The following ZNG1E variants were observed in gnomAD, a reference collection of about 807,000 sequenced individuals.
ZNG1E encodes zinc-regulated GTPase metalloprotein activator 1E.
chr9:65,726,235 G>A, the ZNG1E span, among the ~76,000 whole-genome samples: 5 of 52,186 alleles, frequency 9.6e-5, 1 homozygote, highest in Non-Finnish European at 1.7e-4. Flanking sequence ...CCCGTAGGAC[G>A]AAAGAATCTG....
the ZNG1E span, among the ~76,000 whole-genome samples, chr9:65,664,966 C>T: frequency 3.5e-4 from 53 of 152,330 alleles, no homozygotes; most frequent in Non-Finnish European, 1.3e-4. Context: ...GGGTACCTGG[C>T]AGAAGAAATT....
the ZNG1E span, among the ~76,000 whole-genome samples, chr9:65,666,778 C>T: frequency 2.0e-5 from 3 of 151,182 alleles, no homozygotes; most frequent in South Asian, 6.3e-4. Context: ...GATGTAAAAG[C>T]ATATAGATTA....
chr9:65,658,164 A>G, the ZNG1E span, among the ~76,000 whole-genome samples: 7 of 149,502 alleles, frequency 4.7e-5, no homozygotes, highest in East Asian at 1.2e-3. Context: ...CAATAAAAGT[A>G]AAAAGTAAAA....
At chr9:65,715,286 C>T in the ZNG1E span, among the ~76,000 whole-genome samples, 6 of 149,830 alleles carry the variant, frequency 4.0e-5, no homozygotes, top group East Asian at 2.0e-4. Context: ...CACTGACCTG[C>T]GCCCACTGTC....
the ZNG1E span, among the ~76,000 whole-genome samples, chr9:65,717,586 G>C: frequency 6.7e-6 from 1 of 149,620 alleles, no homozygotes; most frequent in Admixed American, 6.6e-5. Context: ...TTTTTAATTT[G>C]ATGCTGTGGG....
At chr9:65,709,437 G>A in the ZNG1E span, among the ~76,000 whole-genome samples, 1 of 139,344 alleles carries the variant, frequency 7.2e-6, no homozygotes, top group Non-Finnish European at 1.5e-5. Context: ...GTGCCATGCT[G>A]GTGGGCTGCA....
chr9:65,687,217 C>T, the ZNG1E span, among the ~76,000 whole-genome samples: 11 of 138,070 alleles, frequency 8.0e-5, no homozygotes, highest in East Asian at 6.2e-4. Context: ...GGCCTAGTTT[C>T]GTGTTGATCA....
At chr9:65,733,124 T>G in the ZNG1E span, 1 of 1,611,922 alleles carries the variant, frequency 6.2e-7, no homozygotes, top group Non-Finnish European at 8.5e-7. Flanking sequence ...TCCTCATTGG[T>G]AAGTCTCAAA....
the ZNG1E span, among the ~76,000 whole-genome samples, chr9:65,684,398 G>A: frequency 1.6e-4 from 24 of 151,802 alleles, no homozygotes; most frequent in Non-Finnish European, 2.7e-4. Context: ...CTAGCCAGGC[G>A]TTGTGGCGCA....
the ZNG1E span, among the ~76,000 whole-genome samples, chr9:65,655,921 A>G: frequency 2.0e-5 from 3 of 148,892 alleles, no homozygotes; most frequent in Non-Finnish European, 4.5e-5. Flanking sequence ...AACTATATGC[A>G]AAGACTAAAG....
At chr9:65,670,959 GTTGGCTGAAGTTCAGCTGCTGTGA>G in the ZNG1E span, among the ~76,000 whole-genome samples, 10 of 146,716 alleles carry the variant, frequency 6.8e-5, 1 homozygote, top group Non-Finnish European at 1.5e-4. Flanking sequence ...CCTGCCTGTG[GTTGGCTGAAGTTCAGCTGCTGTGA>G]TTGGCTGAGA....
At chr9:65,666,792 A>T in the ZNG1E span, among the ~76,000 whole-genome samples, 1 of 151,666 alleles carries the variant, frequency 6.6e-6, no homozygotes, top group Non-Finnish European at 1.5e-5. Flanking sequence ...TAGATTAATA[A>T]TATTCTGCTT....
chr9:65,671,512 G>T, the ZNG1E span, among the ~76,000 whole-genome samples: 2 of 152,106 alleles, frequency 1.3e-5, no homozygotes, highest in Admixed American at 6.6e-5. Flanking sequence ...TATAGATGGG[G>T]TTTTGCCACG....
the ZNG1E span, among the ~76,000 whole-genome samples, chr9:65,730,236 CTAT>C: frequency 6.3e-5 from 9 of 142,928 alleles, no homozygotes; most frequent in South Asian, 2.0e-3. Flanking sequence ...AGATTGGAGA[CTAT>C]TATTCTAAGT....
the ZNG1E span, among the ~76,000 whole-genome samples, chr9:65,726,489 A>T: frequency 3.8e-5 from 1 of 26,576 alleles, no homozygotes; most frequent in African/African-American, 1.2e-4. Context: ...TAAGGATATT[A>T]AAAAAAAAAA....
chr9:65,678,565 A>G, the ZNG1E span, among the ~76,000 whole-genome samples: 4 of 147,776 alleles, frequency 2.7e-5, no homozygotes, highest in Non-Finnish European at 5.9e-5. Flanking sequence ...AAGAAATGAT[A>G]TAGTCATACA....
chr9:65,657,866 TG>T, the ZNG1E span, among the ~76,000 whole-genome samples: 1 of 152,276 alleles, frequency 6.6e-6, no homozygotes, highest in Non-Finnish European at 1.5e-5. Context: ...TTTGGGAGGC[TG>T]AGGCGGGCAG....
chr9:65,680,725 C>G, the ZNG1E span, among the ~76,000 whole-genome samples: 2 of 152,090 alleles, frequency 1.3e-5, no homozygotes, highest in African/African-American at 4.8e-5. Context: ...ACAAGCATTT[C>G]AAATATAGTT....
At chr9:65,681,348 C>T in the ZNG1E span, among the ~76,000 whole-genome samples, 1 of 152,250 alleles carries the variant, frequency 6.6e-6, no homozygotes, top group South Asian at 2.1e-4. Context: ...GTATGTTTAT[C>T]AGTTTAGGAT....
Sources: allele counts gnomAD v4.1 joint callset (sites outside exome capture counted in the v4.1 genomes callset), GRCh38; gene constraint gnomAD v4.1.1; transcripts MANE v1.5; gene names NCBI Gene and HGNC (gene_info 2026-07-23, HGNC 2026-07-21).